SCN1A: variants seen among roughly 807,000 people sequenced by gnomAD.
The protein encoded by SCN1A is sodium voltage-gated channel alpha subunit 1, also known as sodium channel protein type 1 subunit alpha.
SCN1A carries 13 observed loss-of-function variants against 193.7 expected under a neutral mutation model. That is an observed-to-expected ratio of 0.07 (90% CI 0.04 to 0.11). The LOEUF is 0.11. SCN1A is among the 10% of genes least tolerant of loss of function. SCN1A has a pLI of 1.00. For synonymous variants in SCN1A, 781 were observed against 843.6 expected (o/e 0.93, Z 1.29); for missense variants, 1,432 against 2,451.1 (o/e 0.58, Z 8.78).
At chr2:166,044,301 C>CACACACAT (rs1338170850) in intron 13 of SCN1A, among the ~76,000 whole-genome samples, 1 of 152,110 alleles carries the variant, frequency 6.6e-6, no homozygotes, top group East Asian at 1.9e-4. Context: ...AACACACACA[C>CACACACAT]ACACACATAC....
chr2:166,073,486 C>T lies in SCN1A; in HGVS notation c.136G>A (p.Glu46Lys), dbSNP rs769582667. Residue 46 changes from glutamate to lysine, a missense_variant, in exon 4 of 29, where the codon GAA (glutamate) becomes AAA (lysine). This residue lies in a region of SCN1A where 55 missense variants were observed against 58.4 expected (regional missense o/e 0.94). Coordinates refer to ENST00000674923, the MANE Select transcript of SCN1A (RefSeq NM_001165963.4). ...NPKPDKKDDD[E>K]NGPKPNSDLE... is the part of the protein sequence containing the mutation. ...TCACTATTTGGCTTTGGGCCATTTT[C>T]GTCGTCATCTTTTTTGTCTGGTTTG... 3.8e-5 allele frequency: 61 copies of T among 1,614,068 alleles called. No individual in the cohort carries two copies. Among genetic ancestry groups the T allele is most frequent in the South Asian group, 1.5e-4 (14 of 91,086 alleles).
At chr2:166,011,678 C>G (rs571499357) in intron 22 of SCN1A, among the ~76,000 whole-genome samples, 121 of 151,060 alleles carry the variant, frequency 8.0e-4, no homozygotes, top group African/African-American at 2.8e-3. Flanking sequence ...TATTGAGTGC[C>G]TTTAATACTG....
chr2:165,992,467 G>C lies in SCN1A; in HGVS notation c.4853-45C>G, dbSNP rs1573954225. On this transcript the variant is annotated intron_variant, in intron 28 of 28. Coordinates refer to ENST00000674923, the MANE Select transcript of SCN1A (RefSeq NM_001165963.4). The surrounding 1 kb of genome is among the most constrained non-coding windows in gnomAD (Gnocchi z 6.5). ...ATACCAACCAGTGAAGAAATCATGCGTTAAAATAAACATATGTTTCTTCTA... is the reference window on the plus strand; with the variant it reads ...ATACCAACCAGTGAAGAAATCATGCCTTAAAATAAACATATGTTTCTTCTA... The C allele has an allele frequency of 1.2e-6, 2 of 1,605,954 alleles. No individual in the cohort carries two copies. Among genetic ancestry groups the C allele is most frequent in the Non-Finnish European group, 1.7e-6 (2 of 1,173,520 alleles).
chr2:166,013,854 C>T lies in SCN1A; in HGVS notation c.3595G>A (p.Gly1199Ser). 1.2e-6 allele frequency: 2 copies of T among 1,612,348 alleles called. No homozygotes were observed. Among genetic ancestry groups the T allele is most frequent in the Non-Finnish European group, 1.7e-6 (2 of 1,178,700 alleles). ...AGGTTCCACCATTGTTTTCCTCTGC[C>T]TTCTTCCACATTGATTTGACAACAC... is the stretch of plus-strand genomic sequence containing the variant. Reference protein sequence around the residue: ...FKCCQINVEEGRGKQWWNLRR... With the variant: ...FKCCQINVEESRGKQWWNLRR... Residue 1199 changes from glycine to serine, a missense_variant, in exon 21 of 29, where the codon GGC (glycine) becomes AGC (serine). By Grantham distance (56) the Gly-to-Ser change is moderately conservative. Coordinates refer to ENST00000674923, the MANE Select transcript of SCN1A (RefSeq NM_001165963.4).
chr2:166,078,371 T>C (rs560712344), intron 2 of SCN1A, among the ~76,000 whole-genome samples: 157 of 147,334 alleles, frequency 1.1e-3, no homozygotes, highest in Middle Eastern at 3.4e-3. Context: ...TTAATTTTTT[T>C]CCTAAATTAA....
Position 165,987,130 on chromosome 2 carries a change from G to A in SCN1A, c.*4115C>T, listed in dbSNP as rs1036048581. ...CTTTCATGACATTGACATTTTTAAG[G>A]AGTTCAGTCCACTTATTTTATAGAG... On this transcript the variant is annotated 3_prime_UTR_variant, in exon 29 of 29. Coordinates refer to ENST00000674923, the MANE Select transcript of SCN1A (RefSeq NM_001165963.4). 1 of 151,944 alleles carries A rather than the reference G, an allele frequency of 6.6e-6. No individual in the cohort carries two copies. Among genetic ancestry groups the A allele is most frequent in the African/African-American group, 2.4e-5 (1 of 41,364 alleles). The allele number at this position is 151,944 out of a possible 1,614,324, so 9.4% of individuals were successfully genotyped here.
intron 22 of SCN1A, 122 bp downstream of exon 22, chr2:166,011,987 G>T: frequency 1.2e-6 from 1 of 822,500 alleles, no homozygotes; most frequent in Non-Finnish European, 2.1e-6. Context: ...TTGCATATAT[G>T]CGTTTAGTGG....
chr2:166,148,525 G>A (rs1055943157), intron 1 of SCN1A, among the ~76,000 whole-genome samples: 2 of 152,208 alleles, frequency 1.3e-5, no homozygotes, highest in East Asian at 3.9e-4. Context: ...GTCGAATGGC[G>A]CTTTTGCTGC....
upstream of SCN1A, among the ~76,000 whole-genome samples, chr2:166,130,611 C>G (rs946064045): frequency 2.6e-5 from 4 of 152,108 alleles, no homozygotes; most frequent in African/African-American, 9.7e-5. Flanking sequence ...AATTATAGAA[C>G]AATTTTATGT....
chr2:166,085,631 G>A (rs137926404), intron 2 of SCN1A, among the ~76,000 whole-genome samples: 1 of 152,226 alleles, frequency 6.6e-6, no homozygotes, highest in East Asian at 1.9e-4. Flanking sequence ...ATCCAGGAAC[G>A]GGGAGAGGAG....
intron 26 of SCN1A, chr2:165,996,349 C>T (rs910564883): frequency 5.6e-6 from 2 of 358,130 alleles, no homozygotes; most frequent in Non-Finnish European, 1.0e-5. Flanking sequence ...AAGACAAACA[C>T]CCCCAAATCT....
At chr2:166,146,763 C>T (rs1380547518) in intron 1 of SCN1A, among the ~76,000 whole-genome samples, 2 of 152,242 alleles carry the variant, frequency 1.3e-5, no homozygotes, top group South Asian at 2.1e-4. Context: ...TAGTATTTTT[C>T]CCATTACAGT....
chr2:166,025,188 A>C (rs1694596198), intron 19 of SCN1A, among the ~76,000 whole-genome samples: 1 of 152,126 alleles, frequency 6.6e-6, no homozygotes, highest in Non-Finnish European at 1.5e-5. Context: ...TCAGGGTCTC[A>C]TTGAGATGAT....
At chr2:166,073,747 A>G (rs1559285942) in intron 3 of SCN1A, 77 bp from the exon 4 acceptor site, 2 of 1,096,918 alleles carry the variant, frequency 1.8e-6, no homozygotes, top group East Asian at 5.1e-5. Flanking sequence ...GTCATGAAAC[A>G]TGAGCTAGAG....
chr2:166,116,908 G>T (rs897724829), intron 2 of SCN1A, among the ~76,000 whole-genome samples: 17 of 152,136 alleles, frequency 1.1e-4, no homozygotes, highest in Non-Finnish European at 5.9e-5. Flanking sequence ...ATGAGTGCTT[G>T]GCTAAGTTAT....
intron 2 of SCN1A, among the ~76,000 whole-genome samples, chr2:166,124,770 G>A (rs1691049557): frequency 6.6e-6 from 1 of 152,148 alleles, no homozygotes; most frequent in Non-Finnish European, 1.5e-5. Flanking sequence ...CCACGGTGTG[G>A]CTGGACTGCT....
chr2:166,096,576 A>G (rs765376067), intron 2 of SCN1A, among the ~76,000 whole-genome samples: 5 of 152,096 alleles, frequency 3.3e-5, no homozygotes, highest in Non-Finnish European at 7.4e-5. Context: ...CACTGCGCCC[A>G]GCCTGAGAGA....
At chr2:166,082,584 T>C (rs1321310556) in intron 2 of SCN1A, among the ~76,000 whole-genome samples, 1 of 152,042 alleles carries the variant, frequency 6.6e-6, no homozygotes, top group African/African-American at 2.4e-5. Flanking sequence ...AAAAAGATGA[T>C]TGTAATATTC....
In SCN1A at chr2:166,047,666, T is replaced by G. The variant is rs114137271; in HGVS notation, c.1131A>C (p.Arg377=). 2.0e-3 allele frequency: 3,187 copies of G among 1,613,624 alleles called. 7 individuals carry two copies. The highest frequency in any genetic ancestry group is 2.4e-3 in the Non-Finnish European group (2,793 of 1,179,634). Residue 377 remains arginine (R), a synonymous_variant, in exon 11 of 29, where the codon CGA becomes CGC. Transcript: ENST00000674923. ...TTTCCCAGAAGTCCTGAGTCATTAG[T>G]CGAAACAAGGACAAAAAAGCCCAAC... ...TFSWAFLSLF[R]LMTQDFWENL...
Sources: allele counts gnomAD v4.1 joint callset (sites outside exome capture counted in the v4.1 genomes callset), GRCh38; gene constraint gnomAD v4.1.1; regional missense constraint gnomAD v4.1.1; non-coding constraint Gnocchi (gnomAD v3.1); transcripts MANE v1.5; gene names NCBI Gene and HGNC (gene_info 2026-07-23, HGNC 2026-07-21).